Variants in BRD4 observed in about 807,000 individuals in gnomAD.
BRD4 encodes the protein bromodomain-containing protein 4.
BRD4 carries 16 observed loss-of-function variants against 142.1 expected under a neutral mutation model. The observed-to-expected ratio is 0.11, with a 90% CI of 0.08 to 0.17. The LOEUF (loss-of-function observed/expected upper bound fraction) is 0.17, where lower values mean the gene tolerates loss of function less well. Among genes scored for constraint, BRD4 ranks in the 10% least tolerant of loss-of-function variants. The pLI is 1.00. For synonymous variants in BRD4, 833 were observed against 707.5 expected, an observed-to-expected ratio of 1.18 and a Z score of -2.82; for missense variants, 1,424 against 1,810.9, an observed-to-expected ratio of 0.79 and a Z score of 3.88.
At chr19:15,256,010 G>C (rs1265672854) in intron 9 of BRD4, 54 bp downstream of exon 9, 1 of 1,601,750 alleles carries the variant, frequency 6.2e-7, no homozygotes, top group Non-Finnish European at 8.5e-7. Context: ...CACAGTCTCA[G>C]AGCAAGCCCT....
At chr19:15,268,847 G>C (rs2145613189) in intron 3 of BRD4, 58 bp downstream of exon 3, 1 of 1,595,832 alleles carries the variant, frequency 6.3e-7, no homozygotes, top group South Asian at 1.1e-5. Context: ...CATGCCCACT[G>C]CCGTCGCCTC....
chr19:15,309,465 C>A lies in BRD4; in HGVS notation c.-35+22825G>T, dbSNP rs1043037916. ...TGGAGAAACTGGAACCCTCATATGT[C>A]CAGCAATGTAAAATGGGGCAGCCAC... On this transcript the variant is annotated intron_variant, in intron 1 of 19. Transcript: ENST00000679869. Among the ~76,000 whole-genome samples the A allele has an allele frequency of 2.7e-4, 41 of 152,142 alleles. No individual in the cohort carries two copies. The South Asian group carries it at 2.9e-3, about 11-fold the overall frequency.
intron 11 of BRD4, among the ~76,000 whole-genome samples, chr19:15,246,193 G>T (rs1023913675): frequency 6.6e-6 from 1 of 152,216 alleles, no homozygotes; most frequent in Non-Finnish European, 1.5e-5. Context: ...TGATGAGAGA[G>T]ATACTGTTGT....
rs118000160 is a variant in BRD4 at position 15,239,151 on chromosome 19, G to A, written c.3690C>T (p.Ala1230=). ...SSDSFEQFRR[A]AREKEEREKA... ...TCTCACGCTCCTCTTTCTCCCGAGC[G>A]GCGCGGCGGAACTGCTCGAAGCTGT... The change falls in exon 18 of 20, where the codon GCC becomes GCT. Residue 1230 remains alanine (A), a synonymous_variant. Transcript: ENST00000679869. The surrounding 1 kb of genome is among the most constrained non-coding windows in gnomAD (Gnocchi z 7.4). 10,158 of 1,612,304 alleles carry A rather than the reference G, an allele frequency of 6.3e-3. 63 individuals are homozygous for A. The highest frequency in any genetic ancestry group is 7.3e-3 in the Non-Finnish European group (8,651 of 1,179,912).
At chr19:15,273,654 A>G (rs2047614458) in intron 1 of BRD4, among the ~76,000 whole-genome samples, 1 of 152,190 alleles carries the variant, frequency 6.6e-6, no homozygotes, top group Non-Finnish European at 1.5e-5. Flanking sequence ...CTGCCCACCC[A>G]TGGATGGCCC....
At chr19:15,301,679 G>A (rs1369668469) in intron 1 of BRD4, among the ~76,000 whole-genome samples, 2 of 151,670 alleles carry the variant, frequency 1.3e-5, no homozygotes, top group Non-Finnish European at 2.9e-5. Flanking sequence ...GGCTAACACA[G>A]TGAAACCTCA....
intron 1 of BRD4, among the ~76,000 whole-genome samples, chr19:15,318,238 G>A (rs945861738): frequency 2.6e-5 from 4 of 152,006 alleles, no homozygotes; most frequent in East Asian, 3.9e-4. Context: ...CATGAATGAG[G>A]GAAAACATCC....
At chr19:15,283,851 C>T (rs2047722253) in intron 1 of BRD4, among the ~76,000 whole-genome samples, 1 of 152,188 alleles carries the variant, frequency 6.6e-6, no homozygotes, top group Non-Finnish European at 1.5e-5. Context: ...CAAAAGGGAA[C>T]AGGGCTGGCA....
At chr19:15,327,927 G>GGA (rs2048123623) in intron 1 of BRD4, among the ~76,000 whole-genome samples, 1 of 117,432 alleles carries the variant, frequency 8.5e-6, no homozygotes, top group South Asian at 3.7e-4. Flanking sequence ...TTGGGGGGGG[G>GGA]GGGTGGAAAT....
intron 10 of BRD4, 102 bp from the exon 11 acceptor site, chr19:15,254,364 G>T: frequency 9.7e-7 from 1 of 1,029,670 alleles, no homozygotes; most frequent in Non-Finnish European, 1.5e-6. Flanking sequence ...GACCAGTGAG[G>T]AGCCTGTGCA....
chr19:15,314,761 G>A (rs531143075), intron 1 of BRD4, among the ~76,000 whole-genome samples: 10 of 152,330 alleles, frequency 6.6e-5, no homozygotes, highest in African/African-American at 2.4e-4. Context: ...ACAGGGGACA[G>A]TGGCTACCAG....
chr19:15,327,629 A>G (rs1411210717), intron 1 of BRD4, among the ~76,000 whole-genome samples: 1 of 152,178 alleles, frequency 6.6e-6, no homozygotes, highest in African/African-American at 2.4e-5. Flanking sequence ...AACAACCCAA[A>G]TGTTCACCAC....
At chr19:15,249,401 C>T (rs962499109) in intron 11 of BRD4, 6 of 1,574,954 alleles carry the variant, frequency 3.8e-6, no homozygotes, top group Non-Finnish European at 5.2e-6. Flanking sequence ...GCCCTGGTGG[C>T]TGATGGGCAC....
intron 1 of BRD4, among the ~76,000 whole-genome samples, chr19:15,298,607 C>T (rs1184146991): frequency 1.0e-5 from 1 of 100,008 alleles, no homozygotes; most frequent in African/African-American, 4.2e-5. Context: ...GGCAACAGGG[C>T]GAGACTCCAA....
chr19:15,256,056 A>T lies in BRD4; in HGVS notation c.1751+8T>A. On this transcript the variant is annotated splice_region_variant and intron_variant, in intron 9 of 19. Transcript: ENST00000679869. ...TCCCCACCCAGGACAAATTCAGGGG[A>T]CACAGACCTCACATTGCTGTTGCTG... The T allele has an allele frequency of 6.2e-7, 1 of 1,610,900 alleles. No individual in the cohort carries two copies. Among genetic ancestry groups the T allele is most frequent in the Non-Finnish European group, 8.5e-7 (1 of 1,179,724 alleles).
At chr19:15,309,275 G>C (rs2047945029) in intron 1 of BRD4, among the ~76,000 whole-genome samples, 2 of 147,376 alleles carry the variant, frequency 1.4e-5, no homozygotes, top group Non-Finnish European at 3.0e-5. Flanking sequence ...GGAGCTTGCA[G>C]TGAGCAGAGC....
In BRD4 at chr19:15,257,301, C is replaced by T. The variant is rs1270066809; in HGVS notation, c.1342-128G>A. The T allele has an allele frequency of 4.4e-6, 4 of 914,440 alleles. No individual in the cohort carries two copies. In the African/African-American group the frequency reaches 5.0e-5, roughly 11 times the overall value. 56.6% of individuals were successfully genotyped at this position (914,440 alleles called of 1,614,324 possible). A position where few individuals can be genotyped will look rare whatever the true frequency, so the allele number is the denominator to read the frequency against. On this transcript the variant is annotated intron_variant, in intron 7 of 19. Transcript: ENST00000679869. ...CCGAGGGCGAAAGAGGATGGTGATC[C>T]TGTCTCTTTGCTGCCGAGACAGGGG...
intron 1 of BRD4, among the ~76,000 whole-genome samples, chr19:15,284,792 C>A (rs1310345224): frequency 2.0e-5 from 3 of 152,160 alleles, no homozygotes; most frequent in Non-Finnish European, 4.4e-5. Flanking sequence ...TAAAATGAAA[C>A]CCACACCACT....
rs1208157615 is a variant in BRD4 at position 15,264,570 on chromosome 19, T to C, written c.1046A>G (p.Lys349Arg). The C allele has an allele frequency of 1.2e-6, 2 of 1,614,192 alleles. No homozygotes were observed. Among genetic ancestry groups the C allele is most frequent in the East Asian group, 2.2e-5 (1 of 44,882 alleles). ...QQHPAPEKSS[K>R]VSEQLKCCSG... ...GCAGCACTTGAGCTGCTCCGAGACCTTGCTGCTCTTCTCTGGTGCTGGGTG... is the reference window on the plus strand; with the variant it reads ...GCAGCACTTGAGCTGCTCCGAGACCCTGCTGCTCTTCTCTGGTGCTGGGTG... Residue 349 changes from lysine (K) to arginine (R), a missense_variant, in exon 6 of 20, where the codon AAG becomes AGG. Physicochemically the swap from Lys to Arg is conservative, Grantham distance 26. Around this residue, in one of 16 missense-constraint regions of BRD4, gnomAD observed 86 missense variants for 79.9 expected, o/e 1.08. Transcript: ENST00000679869.
Sources: allele counts gnomAD v4.1 joint callset (sites outside exome capture counted in the v4.1 genomes callset), GRCh38; gene constraint gnomAD v4.1.1; regional missense constraint gnomAD v4.1.1; non-coding constraint Gnocchi (gnomAD v3.1); transcripts MANE v1.5; gene names NCBI Gene and HGNC (gene_info 2026-07-23, HGNC 2026-07-21).